MAP3K1: variants seen among roughly 807,000 people sequenced by gnomAD.
MAP3K1 encodes mitogen-activated protein kinase kinase kinase 1.
In MAP3K1, 36 loss-of-function variants were observed where a neutral mutation model predicts 144.2. The observed-to-expected ratio is 0.25, with a 90% CI of 0.19 to 0.33. The LOEUF (loss-of-function observed/expected upper bound fraction) is 0.33, where lower values mean the gene tolerates loss of function less well. Among genes scored for constraint, MAP3K1 ranks in the 10% least tolerant of loss-of-function variants. The probability of loss-of-function intolerance (pLI) is 1.00; values close to 1 mark genes in which losing one functional copy is unlikely to be tolerated. For synonymous variants in MAP3K1, 718 were observed against 688.7 expected (o/e 1.04, Z -0.67); for missense variants, 1,650 against 1,881.9 (o/e 0.88, Z 2.28).
At chr5:56,889,246 A>G (rs1315144050) in intron 19 of MAP3K1, among the ~76,000 whole-genome samples, 1 of 152,084 alleles carries the variant, frequency 6.6e-6, no homozygotes, top group African/African-American at 2.4e-5. Context: ...TCAGCTCACT[A>G]TAGCCTCCGC....
At chr5:56,892,095 C>A (rs769580771) in intron 19 of MAP3K1, among the ~76,000 whole-genome samples, 1 of 152,002 alleles carries the variant, frequency 6.6e-6, no homozygotes, top group Non-Finnish European at 1.5e-5. Flanking sequence ...TTGATGGGGA[C>A]GGCATTGAAT....
Position 56,894,963 on chromosome 5 carries a change from G to C in MAP3K1, c.*1283G>C, listed in dbSNP as rs779829749. ...GATGCATGGAATCCTGAAGGAAAAT[G>C]GTAGCTTTTTAATCTTTTTGTGTGT... On this transcript the variant is annotated 3_prime_UTR_variant, in exon 20 of 20. Transcript: ENST00000399503. 1 of 231,906 alleles carries C rather than the reference G, an allele frequency of 4.3e-6. No homozygotes were observed. 14.4% of individuals were successfully genotyped at this position (231,906 alleles called of 1,614,324 possible). A position where few individuals can be genotyped will look rare whatever the true frequency, so the allele number is the denominator to read the frequency against.
chr5:56,832,850 G>A (rs1380294715), intron 1 of MAP3K1, among the ~76,000 whole-genome samples: 1 of 152,170 alleles, frequency 6.6e-6, no homozygotes, highest in Non-Finnish European at 1.5e-5. Context: ...GAAAACATTA[G>A]TGAAGCATTT....
chr5:56,860,054 G>C, intron 3 of MAP3K1, 139 bp downstream of exon 3: 1 of 782,250 alleles, frequency 1.3e-6, no homozygotes, highest in Non-Finnish European at 2.2e-6. Flanking sequence ...GGGGGGGGTG[G>C]TTCCTGAGAC....
At chr5:56,820,661 T>C (rs1401752265) in intron 1 of MAP3K1, 1 of 985,274 alleles carries the variant, frequency 1.0e-6, no homozygotes, top group Non-Finnish European at 1.2e-6. Context: ...GGTTCATTCA[T>C]GGTAATCACA....
chr5:56,865,665 A>T (rs1239988563), intron 5 of MAP3K1, among the ~76,000 whole-genome samples, 164 bp from the exon 6 acceptor site: 20 of 152,148 alleles, frequency 1.3e-4, no homozygotes. Flanking sequence ...CTGCTGTAAG[A>T]ATGTTGTCCT....
chr5:56,868,747 TA>T (rs1184089538), intron 6 of MAP3K1, among the ~76,000 whole-genome samples: 3 of 152,174 alleles, frequency 2.0e-5, no homozygotes, highest in Non-Finnish European at 4.4e-5. Flanking sequence ...AATGGATACT[TA>T]AAACAGGATC....
intron 1 of MAP3K1, among the ~76,000 whole-genome samples, chr5:56,825,742 A>C (rs762678102): frequency 1.1e-4 from 17 of 152,166 alleles, no homozygotes; most frequent in Non-Finnish European, 2.5e-4. Context: ...TAGCCTGAGA[A>C]TCCATCCAAC....
chr5:56,878,087 A>C (rs1748095963), intron 10 of MAP3K1, among the ~76,000 whole-genome samples: 1 of 152,182 alleles, frequency 6.6e-6, no homozygotes, highest in South Asian at 2.1e-4. Context: ...CAGTTAAGGT[A>C]ATGTCTACCA....
intron 1 of MAP3K1, among the ~76,000 whole-genome samples, chr5:56,846,912 G>A (rs925087595): frequency 1.2e-4 from 18 of 152,154 alleles, no homozygotes; most frequent in Admixed American, 1.0e-3. Flanking sequence ...TATTAGTGAT[G>A]TGCTTAGTAA....
At chr5:56,845,225 T>A (rs947470948) in intron 1 of MAP3K1, among the ~76,000 whole-genome samples, 1 of 152,250 alleles carries the variant, frequency 6.6e-6, no homozygotes, top group Non-Finnish European at 1.5e-5. Flanking sequence ...CAGACCACTT[T>A]CGTAAGTATG....
chr5:56,832,883 T>C (rs1003862757), intron 1 of MAP3K1, among the ~76,000 whole-genome samples: 2 of 152,226 alleles, frequency 1.3e-5, no homozygotes, highest in Non-Finnish European at 2.9e-5. Flanking sequence ...TTGTTTTGTT[T>C]TTGTTTTGAG....
intron 1 of MAP3K1, among the ~76,000 whole-genome samples, chr5:56,822,258 C>T (rs1746177590): frequency 6.6e-6 from 1 of 152,120 alleles, no homozygotes; most frequent in South Asian, 2.1e-4. Context: ...CTCCTGACCT[C>T]AAGTGATCCA....
intron 10 of MAP3K1, among the ~76,000 whole-genome samples, chr5:56,877,150 C>T (rs1009578436): frequency 1.3e-5 from 2 of 152,162 alleles, no homozygotes; most frequent in Non-Finnish European, 2.9e-5. Context: ...CTGGAGGGAC[C>T]AGCATACTAT....
Position 56,856,764 on chromosome 5 carries a change from G to T in MAP3K1, c.633+14G>T, listed in dbSNP as rs770697159. 1.2e-6 allele frequency: 2 copies of T among 1,613,534 alleles called. No homozygotes were observed. Among genetic ancestry groups the T allele is most frequent in the South Asian group, 1.1e-5 (1 of 91,056 alleles). ...CGAGGGCCTGTGGTAAGTGGCTATG[G>T]GTTACCAGTTATAAGGAAGAAAGCA... On this transcript the variant is annotated intron_variant, in intron 2 of 19. Coordinates refer to ENST00000399503, the MANE Select transcript of MAP3K1 (RefSeq NM_005921.2).
chr5:56,852,596 A>T (rs1747208751), intron 1 of MAP3K1, among the ~76,000 whole-genome samples: 1 of 152,216 alleles, frequency 6.6e-6, no homozygotes, highest in African/African-American at 2.4e-5. Context: ...TTTTCTGACC[A>T]CAATTTTATT....
intron 1 of MAP3K1, among the ~76,000 whole-genome samples, chr5:56,817,739 A>G (rs778756015): frequency 6.6e-6 from 1 of 152,246 alleles, no homozygotes; most frequent in Non-Finnish European, 1.5e-5. Flanking sequence ...AAGAAATTGT[A>G]TCTATTGAGA....
chr5:56,824,521 G>A (rs1031437627), intron 1 of MAP3K1, among the ~76,000 whole-genome samples: 18 of 152,218 alleles, frequency 1.2e-4, no homozygotes, highest in African/African-American at 4.1e-4. Context: ...GAGAGAGGGA[G>A]AATAGGACTC....
rs1204583984 is a variant in MAP3K1, at chr5:56,895,903, G to A, written c.*2223G>A. ...CACAATGAAATTATATTTGCTGTGT[G>A]ACTATGATTCCTAAGATTTCCAGGG... On this transcript the variant is annotated 3_prime_UTR_variant, in exon 20 of 20. Transcript: ENST00000399503. 4.5e-5 allele frequency: 10 copies of A among 224,686 alleles called. No individual in the cohort carries two copies. In the East Asian group the frequency reaches 6.3e-4, roughly 14 times the overall value. The allele number at this position is 224,686 out of a possible 1,614,324, so 13.9% of individuals were successfully genotyped here.
Sources: allele counts gnomAD v4.1 joint callset (sites outside exome capture counted in the v4.1 genomes callset), GRCh38; gene constraint gnomAD v4.1.1; transcripts MANE v1.5; gene names NCBI Gene and HGNC (gene_info 2026-07-23, HGNC 2026-07-21).